The following THSD7A variants were observed in gnomAD, a reference collection of about 807,000 sequenced individuals.
THSD7A encodes the protein thrombospondin type-1 domain-containing protein 7A.
In THSD7A, 96 loss-of-function variants were observed where a neutral mutation model predicts 231.3. The ratio of observed to expected loss-of-function variants is 0.41; its 90% CI spans 0.35 to 0.49. The LOEUF (loss-of-function observed/expected upper bound fraction) is 0.49, where lower values mean the gene tolerates loss of function less well. Ranked by LOEUF, THSD7A falls within the 20% of genes least tolerant of loss-of-function variation. The pLI is 0.05. For synonymous variants in THSD7A, 940 were observed against 743.3 expected, an observed-to-expected ratio of 1.26 and a Z score of -4.30; for missense variants, 2,290 against 2,070.2, an observed-to-expected ratio of 1.11 and a Z score of -2.06.
At chr7:11,706,378 T>C (rs1210928317) in intron 1 of THSD7A, among the ~76,000 whole-genome samples, 1 of 150,588 alleles carries the variant, frequency 6.6e-6, no homozygotes, top group Non-Finnish European at 1.5e-5. Flanking sequence ...AATTTGCAAG[T>C]GGCAAAAAAA....
chr7:11,533,284 T>C (rs1283196425), intron 6 of THSD7A, among the ~76,000 whole-genome samples: 1 of 152,158 alleles, frequency 6.6e-6, no homozygotes. Flanking sequence ...ATATAAGCCA[T>C]TTCTTATGGA....
intron 2 of THSD7A, among the ~76,000 whole-genome samples, chr7:11,600,157 C>G (rs1315227688): frequency 6.6e-5 from 10 of 151,662 alleles, no homozygotes. Context: ...AGAATCTTGA[C>G]TAATATAATA....
Position 11,379,182 on chromosome 7 carries a change from G to A in THSD7A, c.4689C>T (p.Thr1563=), listed in dbSNP as rs981825960. The A allele has an allele frequency of 1.2e-6, 2 of 1,613,510 alleles. No homozygotes were observed. The highest frequency in any genetic ancestry group is 1.7e-6 in the Non-Finnish European group (2 of 1,179,694). ...TCACATCTCCTCTTTTGTCCTCCAT[G>A]GTGGGTAATACCACCACGGGGATAA... is the stretch of plus-strand genomic sequence containing the variant. ...CTLIPVVVLP[T]MEDKRGDVKT... The change falls in exon 26 of 28, where the codon ACC becomes ACT. Residue 1563 remains threonine (T), a synonymous_variant. Transcript: ENST00000423059.
At chr7:11,498,258 C>T (rs560484699) in intron 6 of THSD7A, among the ~76,000 whole-genome samples, 17 of 152,276 alleles carry the variant, frequency 1.1e-4, no homozygotes, top group African/African-American at 2.2e-4. Flanking sequence ...GAGAGAGGGG[C>T]GGGCTGCCAT....
intron 1 of THSD7A, among the ~76,000 whole-genome samples, chr7:11,686,993 A>G (rs1217140201): frequency 6.6e-6 from 1 of 151,844 alleles, no homozygotes; most frequent in Non-Finnish European, 1.5e-5. Flanking sequence ...AAATAAACAA[A>G]CCCAAATACC....
intron 1 of THSD7A, among the ~76,000 whole-genome samples, chr7:11,820,085 G>A (rs1328464190): frequency 3.4e-5 from 5 of 146,294 alleles, no homozygotes; most frequent in Admixed American, 6.6e-5. Context: ...AGCCCAATGC[G>A]TTGTGTTCCG....
At chr7:11,470,179 G>A (rs1374668671) in intron 8 of THSD7A, among the ~76,000 whole-genome samples, 185 bp from the exon 9 acceptor site, 3 of 151,898 alleles carry the variant, frequency 2.0e-5, no homozygotes, top group East Asian at 1.9e-4. Flanking sequence ...GTTTCAAACC[G>A]GACCTCAATA....
intron 1 of THSD7A, among the ~76,000 whole-genome samples, chr7:11,778,593 A>G (rs1225677020): frequency 6.6e-6 from 1 of 152,202 alleles, no homozygotes; most frequent in East Asian, 1.9e-4. Flanking sequence ...TCGTCAGCTT[A>G]GAAATATAAT....
At chr7:11,546,226 A>ATG (rs1554335303) in intron 4 of THSD7A, among the ~76,000 whole-genome samples, 1 of 150,662 alleles carries the variant, frequency 6.6e-6, no homozygotes, top group Admixed American at 6.6e-5. Context: ...ACACACACAC[A>ATG]CACACGTGGA....
At position 11,508,806 on chromosome 7, in the gene THSD7A, T is replaced by C. The variant is rs10253687; in HGVS notation, c.1823-26824A>G. 3.3e-5 allele frequency among the ~76,000 whole-genome samples: 5 copies of C among 152,080 alleles called. No individual in the cohort carries two copies. In the East Asian group the frequency reaches 9.6e-4, roughly 29 times the overall value. Reference sequence around the variant, plus strand: ...CAATATGCAATAACATGGATTAATCTTGAAGACATTATGCTAAGTGAAATA... The same window carrying C: ...CAATATGCAATAACATGGATTAATCCTGAAGACATTATGCTAAGTGAAATA... On this transcript the variant is annotated intron_variant, in intron 6 of 27. Coordinates refer to ENST00000423059, the MANE Select transcript of THSD7A (RefSeq NM_015204.3).
At chr7:11,685,908 C>T (rs923613958) in intron 1 of THSD7A, among the ~76,000 whole-genome samples, 1 of 151,876 alleles carries the variant, frequency 6.6e-6, no homozygotes, top group African/African-American at 2.4e-5. Context: ...CAAAAAGACA[C>T]TTGTTTATTG....
At chr7:11,667,213 G>A (rs573793106) in intron 1 of THSD7A, among the ~76,000 whole-genome samples, 52 of 151,982 alleles carry the variant, frequency 3.4e-4, no homozygotes, top group African/African-American at 1.2e-3. Context: ...CCTCACCCAA[G>A]CTTCCCCCAG....
chr7:11,378,753 T>G (rs879102410), intron 26 of THSD7A: 1 of 301,258 alleles, frequency 3.3e-6, no homozygotes, highest in East Asian at 7.7e-5. Context: ...CAACACATTT[T>G]TTAAAATTCA....
At chr7:11,393,255 A>G (rs1783053903) in intron 23 of THSD7A, among the ~76,000 whole-genome samples, 1 of 152,104 alleles carries the variant, frequency 6.6e-6, no homozygotes, top group Non-Finnish European at 1.5e-5. Context: ...CAGGGTCTGG[A>G]GTGGACCTCC....
At chr7:11,545,168 T>A (rs1446960220) in intron 4 of THSD7A, among the ~76,000 whole-genome samples, 1 of 152,154 alleles carries the variant, frequency 6.6e-6, no homozygotes, top group African/African-American at 2.4e-5. Context: ...GTAATGATTT[T>A]TACTTATGGA....
At position 11,692,998 on chromosome 7, in the gene THSD7A, G is replaced by T. The variant is rs183640934; in HGVS notation, c.191-56037C>A. On this transcript the variant is annotated intron_variant, in intron 1 of 27. Transcript: ENST00000423059. Reference sequence around the variant, plus strand: ...GTATCTCATGCTATAAGGTTTTTTTGTTTGTTTGTTTGTTTTAGAATACAC... The same window carrying T: ...GTATCTCATGCTATAAGGTTTTTTTTTTTGTTTGTTTGTTTTAGAATACAC... Among the ~76,000 whole-genome samples the T allele has an allele frequency of 3.8e-4, 58 of 151,112 alleles. 1 individual carries two copies. In the East Asian group the frequency reaches 0.01, roughly 27 times the overall value.
intron 23 of THSD7A, among the ~76,000 whole-genome samples, chr7:11,395,693 G>A (rs1562575411): frequency 1.3e-5 from 2 of 151,700 alleles, no homozygotes; most frequent in Non-Finnish European, 2.9e-5. Flanking sequence ...ATGTCCAGCT[G>A]ATTATTGTAT....
chr7:11,731,824 T>C (rs934556743), intron 1 of THSD7A, among the ~76,000 whole-genome samples: 5 of 151,656 alleles, frequency 3.3e-5, no homozygotes, highest in Admixed American at 2.6e-4. Flanking sequence ...AGAAGAATTA[T>C]GAGACATGGC....
intron 6 of THSD7A, among the ~76,000 whole-genome samples, chr7:11,537,633 C>T (rs1023045321): frequency 7.6e-5 from 10 of 131,074 alleles, no homozygotes; most frequent in African/African-American, 1.9e-4. Context: ...TCCTGTACAG[C>T]GCCATGCTTC....
Sources: allele counts gnomAD v4.1 joint callset (sites outside exome capture counted in the v4.1 genomes callset), GRCh38; gene constraint gnomAD v4.1.1; transcripts MANE v1.5; gene names NCBI Gene and HGNC (gene_info 2026-07-23, HGNC 2026-07-21).